The following SYT14 variants were observed in gnomAD, a reference collection of about 807,000 sequenced individuals.
SYT14 encodes synaptotagmin-14.
In SYT14, 32 loss-of-function variants were observed where a neutral mutation model predicts 74.2. That is an observed-to-expected ratio of 0.43 (90% CI 0.33 to 0.58). SYT14 has a LOEUF of 0.58. Among genes scored for constraint, SYT14 ranks in the 20% least tolerant of loss-of-function variants. The pLI is 0.05. For missense variants in SYT14, 791 were observed against 981.8 expected (o/e 0.81, Z 2.60); for synonymous variants, 298 against 337.7 (o/e 0.88, Z 1.29).
At chr1:210,004,661 A>T (rs1169294002) in intron 2 of SYT14, among the ~76,000 whole-genome samples, 1 of 151,984 alleles carries the variant, frequency 6.6e-6, no homozygotes, top group Non-Finnish European at 1.5e-5. Context: ...ATTATTTAAA[A>T]TTTGTATTTC....
intron 5 of SYT14, among the ~76,000 whole-genome samples, chr1:210,044,250 T>C (rs1191129597): frequency 6.6e-6 from 1 of 152,232 alleles, no homozygotes; most frequent in Non-Finnish European, 1.5e-5. Flanking sequence ...ACCTTCCATT[T>C]TTCTCATACT....
At chr1:210,011,077 T>C (rs912668947) in intron 2 of SYT14, among the ~76,000 whole-genome samples, 18 of 152,220 alleles carry the variant, frequency 1.2e-4, no homozygotes, top group Non-Finnish European at 2.6e-4. Flanking sequence ...TCAGTCTGCA[T>C]GATATCTAAT....
At chr1:209,974,918 G>C (rs1348927291) in intron 2 of SYT14, among the ~76,000 whole-genome samples, 3 of 152,116 alleles carry the variant, frequency 2.0e-5, no homozygotes, top group Admixed American at 6.6e-5. Context: ...TCCTTGAAGA[G>C]GTCCTTCATG....
At chr1:209,990,565 A>ATATATGTATATATATATACGTATC (rs2079662496) in intron 2 of SYT14, among the ~76,000 whole-genome samples, 1 of 139,578 alleles carries the variant, frequency 7.2e-6, no homozygotes, top group Non-Finnish European at 1.5e-5. Context: ...ATATACGTAT[A>ATATATGTATATATATATACGTATC]TATATGTATG....
chr1:210,065,818 TGCACCCATTAACTCGTCATTTA>T (rs1431107662), intron 5 of SYT14, among the ~76,000 whole-genome samples: 2 of 151,902 alleles, frequency 1.3e-5, no homozygotes, highest in Non-Finnish European at 2.9e-5. Context: ...GTTGGTGTGC[TGCACCCATTAACTCGTCATTTA>T]GCATTAGGTA....
intron 2 of SYT14, among the ~76,000 whole-genome samples, chr1:210,011,207 T>C (rs764947036): frequency 7.9e-5 from 12 of 152,206 alleles, no homozygotes; most frequent in Non-Finnish European, 1.3e-4. Context: ...TTTTTGCCTC[T>C]TCATACCAGA....
chr1:210,153,647 T>G (rs867602680), intron 7 of SYT14, among the ~76,000 whole-genome samples: 2 of 152,328 alleles, frequency 1.3e-5, no homozygotes, highest in African/African-American at 4.8e-5. Context: ...TCTGTAGATT[T>G]GTTCCTGTGT....
At chr1:210,077,362 G>A (rs928580865) in intron 5 of SYT14, among the ~76,000 whole-genome samples, 3 of 152,156 alleles carry the variant, frequency 2.0e-5, no homozygotes, top group African/African-American at 7.2e-5. Flanking sequence ...TTGCCACCAG[G>A]CCCCACCTCC....
intron 2 of SYT14, among the ~76,000 whole-genome samples, chr1:209,972,305 A>C (rs2079270078): frequency 6.6e-6 from 1 of 151,836 alleles, no homozygotes; most frequent in Non-Finnish European, 1.5e-5. Flanking sequence ...CAAAGAACCA[A>C]CTTTTGGTTT....
At chr1:209,975,933 A>G (rs1460230720) in intron 2 of SYT14, among the ~76,000 whole-genome samples, 1 of 152,068 alleles carries the variant, frequency 6.6e-6, no homozygotes, top group East Asian at 1.9e-4. Flanking sequence ...TAGTCTTGGG[A>G]GGGTGTATGT....
intron 7 of SYT14, among the ~76,000 whole-genome samples, chr1:210,124,766 C>G (rs1419522714): frequency 1.3e-5 from 2 of 152,092 alleles, no homozygotes; most frequent in African/African-American, 4.8e-5. Context: ...TTACAGATGA[C>G]AAAACTGTAA....
At chr1:209,965,509 G>T (rs1015174131) in intron 2 of SYT14, among the ~76,000 whole-genome samples, 1 of 152,166 alleles carries the variant, frequency 6.6e-6, no homozygotes, top group African/African-American at 2.4e-5. Flanking sequence ...GAATAGCACT[G>T]GGATAAACAT....
At chr1:210,165,619 C>T (rs2083447733) in exon 10 of SYT14, 1 of 152,126 alleles carries the variant, frequency 6.6e-6, no homozygotes, top group African/African-American at 2.4e-5. Flanking sequence ...ATTTGTCTTC[C>T]TCTGTCCTCT....
intron 1 of SYT14, 138 bp from the exon 2 acceptor site, chr1:209,952,571 T>G: frequency 1.5e-6 from 1 of 670,124 alleles, no homozygotes; most frequent in Non-Finnish European, 2.6e-6. Context: ...TAATATTCAT[T>G]TAGTTAAGTA....
At chr1:210,022,921 A>G (rs1343753866) in intron 5 of SYT14, among the ~76,000 whole-genome samples, 3 of 152,050 alleles carry the variant, frequency 2.0e-5, no homozygotes, top group Admixed American at 2.0e-4. Context: ...GTCTAGCCTG[A>G]CTTTATAGCC....
intron 2 of SYT14, 132 bp downstream of exon 2, chr1:209,952,888 A>C: frequency 9.1e-7 from 1 of 1,102,666 alleles, no homozygotes; most frequent in East Asian, 2.6e-5. Flanking sequence ...CATTTGTCTT[A>C]CAGACTTAAG....
chr1:210,162,697 A>G (rs1181795068), exon 10 of SYT14: 3 of 450,654 alleles, frequency 6.7e-6, no homozygotes, highest in Admixed American at 4.8e-5. Flanking sequence ...AACAATGCGT[A>G]GATATTACTT....
rs186408751 is a variant in SYT14, at chr1:210,077,723, T to C, written c.1313-16599T>C. On this transcript the variant is annotated intron_variant, in intron 5 of 9. Transcript: ENST00000637265. Reference sequence around the variant, plus strand: ...TCTATCTGCAATTTATGAAAATTCCTGTTTTTTCATACCTACCGATACTTA... The same window carrying C: ...TCTATCTGCAATTTATGAAAATTCCCGTTTTTTCATACCTACCGATACTTA... Among the ~76,000 whole-genome samples the C allele has an allele frequency of 4.6e-5, 7 of 152,376 alleles. No homozygotes were observed. In the East Asian group the frequency reaches 1.3e-3, roughly 29 times the overall value.
chr1:209,982,622 A>G (rs991700347), intron 2 of SYT14, among the ~76,000 whole-genome samples: 1 of 152,168 alleles, frequency 6.6e-6, no homozygotes, highest in Non-Finnish European at 1.5e-5. Context: ...GTTGCTTCCA[A>G]GTTTTGGCAA....
Sources: allele counts gnomAD v4.1 joint callset (sites outside exome capture counted in the v4.1 genomes callset), GRCh38; gene constraint gnomAD v4.1.1; transcripts MANE v1.5; gene names NCBI Gene and HGNC (gene_info 2026-07-23, HGNC 2026-07-21).